Variants in NANOS3 observed in about 807,000 individuals in gnomAD.
NANOS3 encodes the protein nanos C2HC-type zinc finger 3.
In NANOS3, 11 loss-of-function variants were observed where a neutral mutation model predicts 13.8. That is an observed-to-expected ratio of 0.80 (90% CI 0.50 to 1.32). The LOEUF is 1.32. NANOS3 is among the 40% of genes most tolerant of loss of function. The pLI is 0.00. For synonymous variants in NANOS3, 119 were observed against 115.4 expected, an observed-to-expected ratio of 1.03 and a Z score of -0.20; for missense variants, 221 against 263.8, an observed-to-expected ratio of 0.84 and a Z score of 1.12.
chr19:13,869,944 G>A (rs1299306268), intron 1 of NANOS3, among the ~76,000 whole-genome samples: 1 of 152,080 alleles, frequency 6.6e-6, no homozygotes, highest in African/African-American at 2.4e-5. Context: ...CACCCTGAGG[G>A]ACTTCACAGT....
chr19:13,865,128 C>A (rs1427615111), upstream of NANOS3, among the ~76,000 whole-genome samples: 1 of 151,716 alleles, frequency 6.6e-6, no homozygotes, highest in East Asian at 1.9e-4. Context: ...CAGGAGGCCT[C>A]GGGACGCGCA....
upstream of NANOS3, among the ~76,000 whole-genome samples, chr19:13,875,439 G>C (rs549582447): frequency 6.6e-6 from 1 of 150,956 alleles, no homozygotes; most frequent in South Asian, 2.1e-4. Flanking sequence ...CTCCCCCCTC[G>C]GCCTCCCAAA....
chr19:13,877,099 G>A (rs1249400877), upstream of NANOS3: 3 of 709,366 alleles, frequency 4.2e-6, no homozygotes, highest in Admixed American at 2.3e-5. Context: ...ACACCCCCTT[G>A]GAGGTAAAAG....
chr19:13,875,999 C>G (rs1968502036), upstream of NANOS3, among the ~76,000 whole-genome samples: 1 of 152,178 alleles, frequency 6.6e-6, no homozygotes, highest in African/African-American at 2.4e-5. Flanking sequence ...CTCCTAACAG[C>G]CCAACTTGCT....
chr19:13,865,221 G>A (rs1483868104), upstream of NANOS3, among the ~76,000 whole-genome samples: 1 of 148,848 alleles, frequency 6.7e-6, no homozygotes, highest in Non-Finnish European at 1.5e-5. Context: ...GCACGTCACC[G>A]AGACAGACAG....
At chr19:13,876,146 G>T (rs1968505220), upstream of NANOS3, among the ~76,000 whole-genome samples, 1 of 152,074 alleles carries the variant, frequency 6.6e-6, no homozygotes, top group Non-Finnish European at 1.5e-5. Flanking sequence ...GCTTTTTGTT[G>T]TTGTTGTTTT....
intron 1 of NANOS3, among the ~76,000 whole-genome samples, chr19:13,869,790 A>G (rs1304642953): frequency 4.0e-5 from 6 of 151,116 alleles, no homozygotes; most frequent in African/African-American, 9.7e-5. Context: ...ACACACACAC[A>G]CGCACACACA....
At chr19:13,880,338 G>A in intron 1 of NANOS3, 104 bp from the exon 2 acceptor site, 1 of 1,044,772 alleles carries the variant, frequency 9.6e-7, no homozygotes, top group African/African-American at 1.6e-5. Flanking sequence ...GCCCCTGGGT[G>A]GCGCCAGAGG....
In NANOS3 at chr19:13,877,167, G is replaced by A; in HGVS notation, c.-82G>A. 1 of 1,191,360 alleles carries A rather than the reference G, an allele frequency of 8.4e-7. No homozygotes were observed. 73.8% of individuals were successfully genotyped at this position (1,191,360 alleles called of 1,614,324 possible). On this transcript the variant is annotated 5_prime_UTR_variant, in exon 1 of 2. Transcript: ENST00000339133. ...GAGAGGGGAAGGAAGGGGCAGCAGA[G>A]AGGGGTCAGAAGGAGGGAGCTTAAG...
intron 1 of NANOS3, among the ~76,000 whole-genome samples, chr19:13,865,975 C>G: frequency 6.6e-6 from 1 of 151,954 alleles, no homozygotes; most frequent in East Asian, 1.9e-4. Context: ...CATGGGCGCT[C>G]GGGCCTGCGG....
chr19:13,866,076 C>G (rs1241361491), intron 1 of NANOS3, among the ~76,000 whole-genome samples: 1 of 152,104 alleles, frequency 6.6e-6, no homozygotes, highest in Non-Finnish European at 1.5e-5. Context: ...GCGCCCTGCG[C>G]GGGCCGCCCC....
At chr19:13,869,234 G>A (rs1031876484) in intron 1 of NANOS3, among the ~76,000 whole-genome samples, 1 of 152,224 alleles carries the variant, frequency 6.6e-6, no homozygotes, top group South Asian at 2.1e-4. Context: ...GGCTGATCTT[G>A]AACTCCTGGG....
chr19:13,880,230 C>T (rs1325486132), intron 1 of NANOS3, among the ~76,000 whole-genome samples: 1 of 152,138 alleles, frequency 6.6e-6, no homozygotes, highest in Non-Finnish European at 1.5e-5. Flanking sequence ...GCACCACAGT[C>T]GCAGAATCGG....
At chr19:13,878,069 C>T (rs1232844821) in intron 1 of NANOS3, among the ~76,000 whole-genome samples, 1 of 151,562 alleles carries the variant, frequency 6.6e-6, no homozygotes, top group Non-Finnish European at 1.5e-5. Context: ...CCACCACACC[C>T]GGCTAATTGC....
rs189382768 is a variant in NANOS3, at chr19:13,867,234, C to G, written n.21+1797C>G. The stretch of plus-strand genomic sequence containing the variant: ...GGGATTACAGGTGTGAACCGCCGCA[C>G]CCGGCCACAGTTTCCTTTTTATTTT... On this transcript the variant is annotated intron_variant and non_coding_transcript_variant, in intron 1 of 2. Transcript: ENST00000591161. Among the ~76,000 whole-genome samples, 445 of 152,222 alleles carry G rather than the reference C, an allele frequency of 2.9e-3. 1 individual carries two copies. Among genetic ancestry groups the G allele is most frequent in the Admixed American group, 8.8e-3 (134 of 15,274 alleles).
chr19:13,879,161 G>T (rs999581807), intron 1 of NANOS3, among the ~76,000 whole-genome samples: 3 of 150,426 alleles, frequency 2.0e-5, no homozygotes, highest in Admixed American at 1.3e-4. Flanking sequence ...GCTGAGTCTT[G>T]AACTCCTGAC....
chr19:13,872,355 A>T (rs1976340556), upstream of NANOS3, among the ~76,000 whole-genome samples: 1 of 150,536 alleles, frequency 6.6e-6, no homozygotes, highest in East Asian at 1.9e-4. Flanking sequence ...AAAAAAAAAA[A>T]AAAAAAGAGA....
At chr19:13,865,813 G>A (rs1305572789) in intron 1 of NANOS3, among the ~76,000 whole-genome samples, 1 of 147,190 alleles carries the variant, frequency 6.8e-6, no homozygotes, top group African/African-American at 2.5e-5. Flanking sequence ...CCGACCGCCC[G>A]ACACCTGACC....
chr19:13,862,409 G>A (rs2145058626), upstream of NANOS3, among the ~76,000 whole-genome samples: 1 of 152,296 alleles, frequency 6.6e-6, no homozygotes, highest in South Asian at 2.1e-4. Context: ...CAGCTGGGAG[G>A]GCGCTGGACT....
Sources: allele counts gnomAD v4.1 joint callset (sites outside exome capture counted in the v4.1 genomes callset), GRCh38; gene constraint gnomAD v4.1.1; transcripts MANE v1.5; gene names NCBI Gene and HGNC (gene_info 2026-07-23, HGNC 2026-07-21).